Variants in TFEC observed in about 807,000 individuals in gnomAD.
The protein encoded by TFEC is transcription factor EC.
A neutral mutation model predicts 41.6 loss-of-function variants in TFEC; 31 were observed. That is an observed-to-expected ratio of 0.74 (90% CI 0.56 to 1.01). The LOEUF (loss-of-function observed/expected upper bound fraction) is 1.01, where lower values mean the gene tolerates loss of function less well. Ranked by LOEUF, TFEC falls within the 50% of genes least tolerant of loss-of-function variation. The probability of loss-of-function intolerance (pLI) is 0.00; values close to 1 mark genes in which losing one functional copy is unlikely to be tolerated. For synonymous variants in TFEC, 143 were observed against 140.6 expected (o/e 1.02, Z -0.12); for missense variants, 402 against 404.1 (o/e 0.99, Z 0.04).
chr7:115,987,976 A>T (rs1793931232), intron 1 of TFEC, among the ~76,000 whole-genome samples: 1 of 152,138 alleles, frequency 6.6e-6, no homozygotes, highest in African/African-American at 2.4e-5. Context: ...ATGAAGAGAA[A>T]TTTTTTGGTT....
Position 116,113,877 on chromosome 7 carries a change from G to T in TFEC, c.-68-1839C>A, listed in dbSNP as rs114153262. On this transcript the variant is annotated intron_variant, in intron 1 of 8. Transcript: ENST00000484212. ...CATTTAAGGCCCTTTATAGACAAAC[G>T]GACACAAGTTTTGGAAAGTCACCTG... Among the ~76,000 whole-genome samples, 582 of 151,902 alleles carry T rather than the reference G, an allele frequency of 3.8e-3. 7 individuals carry two copies. Among genetic ancestry groups the T allele is most frequent in the African/African-American group, 0.013 (525 of 41,458 alleles).
At chr7:116,133,588 A>G (rs1798377381) in intron 1 of TFEC, among the ~76,000 whole-genome samples, 2 of 152,122 alleles carry the variant, frequency 1.3e-5, no homozygotes, top group South Asian at 2.1e-4. Context: ...TTGCCAATAA[A>G]TGATTTCTGG....
chr7:115,970,330 C>T (rs1793077499), intron 3 of TFEC, among the ~76,000 whole-genome samples: 1 of 151,880 alleles, frequency 6.6e-6, no homozygotes, highest in African/African-American at 2.4e-5. Flanking sequence ...CTATTGATTG[C>T]TATTGATTGG....
Position 116,159,465 on chromosome 7 carries a change from C to T in TFEC, c.-69+325G>A, listed in dbSNP as rs530689492. 5.9e-5 allele frequency among the ~76,000 whole-genome samples: 9 copies of T among 152,058 alleles called. No homozygotes were observed. The East Asian group carries it at 1.7e-3, about 29-fold the overall frequency. Reference sequence around the variant, plus strand: ...CATAGTCTCGCCAATTCTCTATAAACTTCAGCGATATTTGAAACCATTTTG... The same window carrying T: ...CATAGTCTCGCCAATTCTCTATAAATTTCAGCGATATTTGAAACCATTTTG... On this transcript the variant is annotated intron_variant, in intron 1 of 8. Coordinates refer to the TFEC transcript ENST00000484212.
intron 2 of TFEC, among the ~76,000 whole-genome samples, chr7:115,983,355 T>A (rs1793713077): frequency 6.6e-6 from 1 of 152,140 alleles, no homozygotes; most frequent in Non-Finnish European, 1.5e-5. Flanking sequence ...AAATTCTCTA[T>A]CATTTGGAAT....
intron 3 of TFEC, among the ~76,000 whole-genome samples, chr7:115,966,367 T>C (rs1427846016): frequency 6.6e-6 from 1 of 151,704 alleles, no homozygotes; most frequent in Non-Finnish European, 1.5e-5. Context: ...TGGGGAATTT[T>C]TTTAAGAAGA....
intron 3 of TFEC, among the ~76,000 whole-genome samples, chr7:116,108,791 A>T (rs1562971965): frequency 6.6e-6 from 1 of 152,286 alleles, no homozygotes; most frequent in East Asian, 1.9e-4. Flanking sequence ...GACCCTCTAC[A>T]AAACGTAATC....
rs536109201 is a variant in TFEC, at chr7:116,026,669, T to C, written c.-73+3964A>G. Among the ~76,000 whole-genome samples, 4 of 152,342 alleles carry C rather than the reference T, an allele frequency of 2.6e-5. No individual in the cohort carries two copies. The East Asian group carries it at 7.7e-4, about 29-fold the overall frequency. ...CTGTAAGAGTGGATATGCTCAGAGC[T>C]TTTCAAACACTATTAGAAGGGTTAA... On this transcript the variant is annotated intron_variant, in intron 1 of 7. Coordinates refer to ENST00000265440, the MANE Select transcript of TFEC (RefSeq NM_012252.4).
intron 3 of TFEC, among the ~76,000 whole-genome samples, chr7:115,963,234 C>T (rs1792661460): frequency 6.6e-6 from 1 of 151,712 alleles, no homozygotes; most frequent in Admixed American, 6.6e-5. Flanking sequence ...GAAAAGATGC[C>T]CAATATCACT....
intron 1 of TFEC, among the ~76,000 whole-genome samples, chr7:116,153,054 C>G (rs1798794270): frequency 6.6e-6 from 1 of 152,068 alleles, no homozygotes; most frequent in Admixed American, 6.5e-5. Context: ...TTTTTAAAAC[C>G]TAAATCTAAG....
chr7:116,054,372 A>G (rs1796381206), intron 3 of TFEC, among the ~76,000 whole-genome samples: 1 of 152,206 alleles, frequency 6.6e-6, no homozygotes, highest in Non-Finnish European at 1.5e-5. Flanking sequence ...CTAGAATACA[A>G]TCCTGTAGAA....
chr7:116,122,236 T>G (rs1241344291), intron 1 of TFEC, among the ~76,000 whole-genome samples: 1 of 152,138 alleles, frequency 6.6e-6, no homozygotes, highest in African/African-American at 2.4e-5. Context: ...ACTTCAGAAG[T>G]GACTTTTATG....
intron 1 of TFEC, among the ~76,000 whole-genome samples, chr7:116,139,922 C>T (rs1798507038): frequency 6.6e-6 from 1 of 152,140 alleles, no homozygotes; most frequent in South Asian, 2.1e-4. Context: ...CAGAAATGGG[C>T]ATAACCCCCA....
intron 3 of TFEC, among the ~76,000 whole-genome samples, chr7:116,047,226 G>A (rs1043141117): frequency 1.3e-5 from 2 of 152,116 alleles, no homozygotes; most frequent in Non-Finnish European, 2.9e-5. Flanking sequence ...GGAAGTGCAA[G>A]GGGTCAGGAA....
intron 3 of TFEC, among the ~76,000 whole-genome samples, chr7:116,057,929 T>C (rs1381222339): frequency 6.6e-6 from 1 of 151,810 alleles, no homozygotes; most frequent in Non-Finnish European, 1.5e-5. Context: ...TAAAGATTTG[T>C]TTACTTTGAT....
intron 1 of TFEC, among the ~76,000 whole-genome samples, chr7:115,998,010 T>G (rs1318312455): frequency 6.6e-6 from 1 of 151,254 alleles, no homozygotes; most frequent in Non-Finnish European, 1.5e-5. Flanking sequence ...AAAGAGGAGG[T>G]AGAGGAAGAG....
intron 3 of TFEC, among the ~76,000 whole-genome samples, chr7:115,959,556 T>C (rs1192126111): frequency 6.6e-6 from 1 of 151,756 alleles, no homozygotes; most frequent in African/African-American, 2.4e-5. Context: ...AAAATGACTA[T>C]TTCAAAAGTA....
chr7:116,147,663 T>A (rs1006538539), intron 1 of TFEC, among the ~76,000 whole-genome samples: 26 of 151,910 alleles, frequency 1.7e-4, no homozygotes, highest in African/African-American at 6.0e-4. Context: ...TGTTTGGTTT[T>A]TTGTCCTTGC....
chr7:116,056,765 A>T (rs1184897068), intron 3 of TFEC, among the ~76,000 whole-genome samples: 2 of 152,152 alleles, frequency 1.3e-5, no homozygotes, highest in African/African-American at 4.8e-5. Context: ...CTAACATCTT[A>T]TAAGGTAAAA....
Sources: allele counts gnomAD v4.1 joint callset (sites outside exome capture counted in the v4.1 genomes callset), GRCh38; gene constraint gnomAD v4.1.1; transcripts MANE v1.5; gene names NCBI Gene and HGNC (gene_info 2026-07-23, HGNC 2026-07-21).